TRERF1: variants seen among roughly 807,000 people sequenced by gnomAD.
The protein encoded by TRERF1 is transcriptional regulating factor 1, also known as transcriptional-regulating factor 1.
Under a neutral mutation model 122.9 loss-of-function variants are expected in TRERF1, and 27 were observed. That is an observed-to-expected ratio of 0.22 (90% confidence interval 0.16 to 0.30). TRERF1 has a LOEUF of 0.30. Ranked by LOEUF, TRERF1 falls within the 10% of genes least tolerant of loss-of-function variation. TRERF1 has a pLI of 1.00. For synonymous variants in TRERF1, 636 were observed against 641.7 expected, an observed-to-expected ratio of 0.99 and a Z score of 0.13; for missense variants, 1,248 against 1,560.3, an observed-to-expected ratio of 0.80 and a Z score of 3.37.
chr6:42,326,752 C>A (rs905670858), intron 3 of TRERF1, among the ~76,000 whole-genome samples: 2 of 152,196 alleles, frequency 1.3e-5, no homozygotes, highest in Admixed American at 1.3e-4. Flanking sequence ...GAAAGCAAAA[C>A]AATGCTCTTG....
chr6:42,303,263 A>G (rs947564677), intron 3 of TRERF1, among the ~76,000 whole-genome samples: 6 of 152,224 alleles, frequency 3.9e-5, no homozygotes, highest in African/African-American at 1.4e-4. Flanking sequence ...AAGGAAACCA[A>G]CATTAACAAA....
intron 4 of TRERF1, among the ~76,000 whole-genome samples, chr6:42,279,575 G>A (rs147994536): frequency 2.0e-5 from 3 of 152,334 alleles, no homozygotes; most frequent in African/African-American, 7.2e-5. Flanking sequence ...TGCAGGCTCT[G>A]TTGCTATCAC....
At chr6:42,245,374 C>G (rs930929010) in intron 14 of TRERF1, among the ~76,000 whole-genome samples, 2 of 152,354 alleles carry the variant, frequency 1.3e-5, no homozygotes, top group Non-Finnish European at 2.9e-5. Flanking sequence ...CTTGCCCAGG[C>G]AAGGCCCTAG....
intron 3 of TRERF1, among the ~76,000 whole-genome samples, chr6:42,310,781 C>T (rs1449140612): frequency 1.3e-5 from 2 of 152,188 alleles, no homozygotes; most frequent in Non-Finnish European, 2.9e-5. Flanking sequence ...GCCTTCAGAA[C>T]TCTGAGAAGC....
At chr6:42,416,846 T>C (rs1193571099) in intron 2 of TRERF1, among the ~76,000 whole-genome samples, 2 of 152,254 alleles carry the variant, frequency 1.3e-5, no homozygotes, top group East Asian at 1.9e-4. Flanking sequence ...ATTTCTTCTA[T>C]GGTAATTGGT....
At chr6:42,446,929 C>T (rs1314589328) in intron 2 of TRERF1, among the ~76,000 whole-genome samples, 2 of 152,126 alleles carry the variant, frequency 1.3e-5, no homozygotes, top group Non-Finnish European at 2.9e-5. Context: ...CACTTGGACC[C>T]GAGAGGCAGA....
intron 2 of TRERF1, among the ~76,000 whole-genome samples, chr6:42,380,819 T>C (rs1017161937): frequency 6.6e-6 from 1 of 152,130 alleles, no homozygotes; most frequent in South Asian, 2.1e-4. Context: ...CAGGGTGGGG[T>C]TGGGCCCACA....
intron 2 of TRERF1, among the ~76,000 whole-genome samples, chr6:42,407,588 A>T (rs1329438324): frequency 1.4e-4 from 22 of 152,074 alleles, no homozygotes; most frequent in Admixed American, 1.4e-3. Context: ...TTGAGAAGAG[A>T]GATGTGACTT....
intron 15 of TRERF1, among the ~76,000 whole-genome samples, chr6:42,241,958 T>C (rs1301797634): frequency 1.3e-5 from 2 of 152,052 alleles, no homozygotes; most frequent in South Asian, 2.1e-4. Flanking sequence ...AGTGGGGCGT[T>C]GTGGTGTGTG....
Position 42,301,644 on chromosome 6 carries a change from C to T in TRERF1, c.-370-895G>A, listed in dbSNP as rs116241549. Among the ~76,000 whole-genome samples the T allele has an allele frequency of 9.7e-3, 1,478 of 152,358 alleles. 9 individuals carry two copies. The highest frequency in any genetic ancestry group is 0.018 in the African/African-American group (735 of 41,586). ...AAAAGATACTGATACAAAGTGCAAG[C>T]TCACTTTTAAGTTCTTTGATTCAAC... On this transcript the variant is annotated intron_variant, in intron 3 of 17. Transcript: ENST00000372922.
chr6:42,298,710 C>G (rs1185587330), intron 4 of TRERF1, among the ~76,000 whole-genome samples: 1 of 151,158 alleles, frequency 6.6e-6, no homozygotes, highest in Non-Finnish European at 1.5e-5. Flanking sequence ...GAGGCCGAGA[C>G]GGGTGGATCA....
chr6:42,339,889 T>G (rs1001774244), intron 3 of TRERF1, among the ~76,000 whole-genome samples: 1 of 152,240 alleles, frequency 6.6e-6, no homozygotes, highest in African/African-American at 2.4e-5. Context: ...AAAGTCTATT[T>G]TAATGCTGAA....
intron 4 of TRERF1, among the ~76,000 whole-genome samples, chr6:42,278,073 C>G (rs889518053): frequency 6.6e-6 from 1 of 152,176 alleles, no homozygotes; most frequent in African/African-American, 2.4e-5. Flanking sequence ...TCATGGCTTT[C>G]TCTACATCCA....
chr6:42,324,591 T>TA (rs1189059332), intron 3 of TRERF1, among the ~76,000 whole-genome samples: 9 of 151,944 alleles, frequency 5.9e-5, no homozygotes, highest in African/African-American at 2.2e-4. Flanking sequence ...AACCCAGAAA[T>TA]AAAGCCACAC....
At chr6:42,244,823 C>A (rs553440301) in intron 14 of TRERF1, among the ~76,000 whole-genome samples, 1 of 152,320 alleles carries the variant, frequency 6.6e-6, no homozygotes, top group Admixed American at 6.5e-5. Flanking sequence ...CTATTCAACC[C>A]CAAACAGGCA....
rs568859556 is a variant in TRERF1, at chr6:42,366,007, T to G, written c.-453-2928A>C. Among the ~76,000 whole-genome samples the G allele has an allele frequency of 4.6e-5, 7 of 152,278 alleles. No individual in the cohort carries two copies. In the East Asian group the frequency reaches 1.2e-3, roughly 25 times the overall value. On this transcript the variant is annotated intron_variant, in intron 2 of 17. Coordinates refer to ENST00000372922, the Ensembl canonical transcript of TRERF1. The stretch of plus-strand genomic sequence containing the variant: ...CAATCTTGTTTCCCATGCGTACCTC[T>G]GCTCACCCCATCTGTAATCCCCTGC...
At chr6:42,444,010 G>C (rs928640894) in intron 2 of TRERF1, among the ~76,000 whole-genome samples, 41 of 151,990 alleles carry the variant, frequency 2.7e-4, no homozygotes, top group Non-Finnish European at 5.0e-4. Flanking sequence ...AGAGAGGCTC[G>C]GAGGTCGACT....
chr6:42,408,402 TCTCA>T (rs1463080438), intron 2 of TRERF1, among the ~76,000 whole-genome samples: 2 of 108,160 alleles, frequency 1.8e-5, no homozygotes, highest in Non-Finnish European at 3.5e-5. Context: ...TGAGAAAGAG[TCTCA>T]CTCACTCTGT....
At chr6:42,277,933 G>GA (rs1426141717) in intron 4 of TRERF1, among the ~76,000 whole-genome samples, 1 of 147,746 alleles carries the variant, frequency 6.8e-6, no homozygotes, top group Non-Finnish European at 1.5e-5. Flanking sequence ...AGAAGAAGAA[G>GA]AAGAAGAAGA....
Sources: allele counts gnomAD v4.1 joint callset (sites outside exome capture counted in the v4.1 genomes callset), GRCh38; gene constraint gnomAD v4.1.1; transcripts MANE v1.5; gene names NCBI Gene and HGNC (gene_info 2026-07-23, HGNC 2026-07-21).